USP33: variants seen among roughly 807,000 people sequenced by gnomAD.
USP33 encodes the protein ubiquitin specific peptidase 33.
In USP33, 46 loss-of-function variants were observed where a neutral mutation model predicts 124.2. The ratio of observed to expected loss-of-function variants is 0.37; its 90% CI spans 0.29 to 0.47. The LOEUF (loss-of-function observed/expected upper bound fraction) is 0.47. USP33 is among the 20% of genes least tolerant of loss of function. The probability of loss-of-function intolerance (pLI) is 0.99; values close to 1 mark genes in which losing one functional copy is unlikely to be tolerated. For synonymous variants in USP33, 350 were observed against 352.3 expected (o/e 0.99, Z 0.07); for missense variants, 851 against 1,070.6 (o/e 0.79, Z 2.86).
rs573866697 is a variant in USP33 at position 77,726,245 on chromosome 1, C to T, written c.1136-483G>A. On this transcript the variant is annotated intron_variant, in intron 10 of 23. Transcript: ENST00000370794. ...GATTATAGGCATGAACCACCGTGCC[C>T]AATCCCAACTAATGTTTATAACACA... is the stretch of plus-strand genomic sequence containing the variant. Among the ~76,000 whole-genome samples, 9 of 152,138 alleles carry T rather than the reference C, an allele frequency of 5.9e-5. No homozygotes were observed. In the East Asian group the frequency reaches 7.8e-4, roughly 13 times the overall value.
intron 1 of USP33, among the ~76,000 whole-genome samples, chr1:77,745,022 G>C (rs1679587010): frequency 6.6e-6 from 1 of 152,174 alleles, no homozygotes; most frequent in African/African-American, 2.4e-5. Context: ...TTGACAGTGG[G>C]TGTTAAAGTC....
chr1:77,745,091 A>T (rs1679598256), intron 1 of USP33, among the ~76,000 whole-genome samples: 1 of 152,164 alleles, frequency 6.6e-6, no homozygotes. Context: ...GACTTGCTTT[A>T]TGAATGTGGG....
Position 77,718,066 on chromosome 1 carries a change from CA to C in USP33, c.1738-20del. 2 of 1,566,822 alleles carry C rather than the reference CA, an allele frequency of 1.3e-6. No homozygotes were observed. The highest frequency in any genetic ancestry group is 1.9e-5 in the Admixed American group (1 of 53,116). ...ACAAAATCTAAAAAAGAATAAAATT[CA>C]AAACTAATTTGTCAATACAGAAAAC... On this transcript the variant is annotated intron_variant, in intron 16 of 23. Coordinates refer to ENST00000370794, the MANE Select transcript of USP33 (RefSeq NM_201624.3).
At chr1:77,711,592 T>A (rs1415671400) in intron 21 of USP33, 155 bp downstream of exon 21, 4 of 1,201,280 alleles carry the variant, frequency 3.3e-6, no homozygotes, top group East Asian at 2.7e-5. Flanking sequence ...AGAACTGTAG[T>A]GAACTGCCTG....
At chr1:77,736,955 A>T (rs886197370) in intron 5 of USP33, among the ~76,000 whole-genome samples, 1 of 152,130 alleles carries the variant, frequency 6.6e-6, no homozygotes, top group Admixed American at 6.6e-5. Flanking sequence ...ACTTTAAATA[A>T]TAATATTCTA....
At chr1:77,754,773 C>A (rs1401072625) in intron 1 of USP33, among the ~76,000 whole-genome samples, 2 of 152,176 alleles carry the variant, frequency 1.3e-5, no homozygotes, top group Non-Finnish European at 2.9e-5. Flanking sequence ...AAGAAATACG[C>A]AGTCTTCTAA....
intron 11 of USP33, 126 bp downstream of exon 11, chr1:77,725,495 AT>A (rs2101424323): frequency 7.4e-7 from 1 of 1,346,742 alleles, no homozygotes; most frequent in South Asian, 1.6e-5. Context: ...TCTATGTAAA[AT>A]TATGCTATCA....
rs1010353500 is a variant in USP33 at position 77,759,739 on chromosome 1, G to C, written c.-148C>G. 1 of 398,124 alleles carries C rather than the reference G, an allele frequency of 2.5e-6. No homozygotes were observed. The highest frequency in any genetic ancestry group is 4.4e-6 in the Non-Finnish European group (1 of 225,710). The allele number at this position is 398,124 out of a possible 1,614,324, so 24.7% of individuals were successfully genotyped here. A position where few individuals can be genotyped will look rare whatever the true frequency, so the allele number is the denominator to read the frequency against. On this transcript the variant is annotated 5_prime_UTR_variant, in exon 1 of 24. Coordinates refer to ENST00000370794, the MANE Select transcript of USP33 (RefSeq NM_201624.3). ...TCTTTTCCTTCTCAGCTCTCGGAGAGGGGCAGTGTCGCGTCAGGAGGGCCG... is the reference window on the plus strand; with the variant it reads ...TCTTTTCCTTCTCAGCTCTCGGAGACGGGCAGTGTCGCGTCAGGAGGGCCG...
chr1:77,702,914 T>G (rs979708665), intron 21 of USP33, among the ~76,000 whole-genome samples: 1 of 151,982 alleles, frequency 6.6e-6, no homozygotes, highest in African/African-American at 2.4e-5. Flanking sequence ...AGTGTGTAAG[T>G]AGTGTGTAAG....
At chr1:77,698,010 T>C in intron 22 of USP33, 79 bp from the exon 23 acceptor site, 4 of 1,149,542 alleles carry the variant, frequency 3.5e-6, no homozygotes, top group Non-Finnish European at 5.1e-6. Context: ...GACAAAATTG[T>C]GACCTATAAC....
chr1:77,724,411 G>A (rs1445573476), intron 11 of USP33, among the ~76,000 whole-genome samples: 1 of 151,820 alleles, frequency 6.6e-6, no homozygotes, highest in East Asian at 1.9e-4. Flanking sequence ...TTTCTTTAAT[G>A]GATCATGCTT....
chr1:77,729,786 G>T, intron 9 of USP33, 74 bp downstream of exon 9: 1 of 1,420,126 alleles, frequency 7.0e-7, no homozygotes, highest in South Asian at 1.2e-5. Context: ...AAGATAAGTA[G>T]ACCCAAAAAA....
intron 1 of USP33, among the ~76,000 whole-genome samples, chr1:77,751,973 C>G (rs1328026264): frequency 6.6e-6 from 1 of 151,946 alleles, no homozygotes; most frequent in Non-Finnish European, 1.5e-5. Context: ...CAGGCTTGAG[C>G]CACCGCGCCG....
At chr1:77,714,547 C>T in intron 19 of USP33, 67 bp downstream of exon 19, 3 of 1,519,002 alleles carry the variant, frequency 2.0e-6, no homozygotes, top group Non-Finnish European at 2.7e-6. Flanking sequence ...AAATTCTTGG[C>T]TCTCCTAATT....
chr1:77,740,537 A>C (rs1309053484), intron 4 of USP33, among the ~76,000 whole-genome samples: 1 of 151,964 alleles, frequency 6.6e-6, no homozygotes, highest in Non-Finnish European at 1.5e-5. Context: ...TGTACTTTTA[A>C]TAGAGACAGG....
chr1:77,744,994 T>G (rs1054198080), intron 1 of USP33, among the ~76,000 whole-genome samples: 3 of 152,240 alleles, frequency 2.0e-5, no homozygotes, highest in Admixed American at 6.5e-5. Flanking sequence ...ACTTTCTGTC[T>G]CGTTGATCTG....
chr1:77,729,018 G>GTT (rs879827457), intron 9 of USP33, among the ~76,000 whole-genome samples: 1 of 152,052 alleles, frequency 6.6e-6, no homozygotes, highest in Non-Finnish European at 1.5e-5. Flanking sequence ...TCCCACCTCA[G>GTT]TCTCCTAAGT....
rs58750531 is a variant in USP33 at position 77,702,141 on chromosome 1, C to CAAAAAAAAAAAAAAAAAAAAAAAAA, written c.2407-695_2407-671dup. On this transcript the variant is annotated intron_variant, in intron 21 of 23. Coordinates refer to ENST00000370794, the MANE Select transcript of USP33 (RefSeq NM_201624.3). The stretch of plus-strand genomic sequence containing the variant: ...TGGGTGACAGAACAAGACCCTGTCT[C>CAAAAAAAAAAAAAAAAAAAAAAAAA]AAAAAAAAAAAAAAAAAAAAAAAAA... 1.9e-3 allele frequency among the ~76,000 whole-genome samples: 30 copies of CAAAAAAAAAAAAAAAAAAAAAAAAA among 15,784 alleles called. 3 individuals carry two copies. Among genetic ancestry groups the CAAAAAAAAAAAAAAAAAAAAAAAAA allele is most frequent in the African/African-American group, 3.6e-3 (28 of 7,804 alleles). The allele number at this position is 15,784 out of a possible 152,430, so 10.4% of individuals were successfully genotyped here. A position where few individuals can be genotyped will look rare whatever the true frequency, so the allele number is the denominator to read the frequency against.
At chr1:77,754,684 CTTTT>C (rs1680642115) in intron 1 of USP33, among the ~76,000 whole-genome samples, 1 of 152,176 alleles carries the variant, frequency 6.6e-6, no homozygotes, top group Non-Finnish European at 1.5e-5. Flanking sequence ...TAGTGCTAAT[CTTTT>C]TATTTCTCTT....
Sources: gnomAD v4.1 joint callset for allele counts (sites outside exome capture counted in the v4.1 genomes callset) on GRCh38, gnomAD v4.1.1 for gene constraint, MANE v1.5 for transcripts, NCBI Gene and HGNC (gene_info 2026-07-23, HGNC 2026-07-21) for gene names.